Variants in LMF1 observed in about 807,000 individuals in gnomAD.
LMF1 encodes transmembrane protein 112.
A neutral mutation model predicts 60.6 loss-of-function variants in LMF1; 68 were observed. The observed-to-expected ratio is 1.12, with a 90% CI of 0.92 to 1.37. The LOEUF (loss-of-function observed/expected upper bound fraction) is 1.37. Among genes scored for constraint, LMF1 ranks in the 40% most tolerant of loss-of-function variants. The probability of loss-of-function intolerance (pLI) is 0.00; values close to 1 mark genes in which losing one functional copy is unlikely to be tolerated. For synonymous variants in LMF1, 418 were observed against 324.7 expected (o/e 1.29, Z -3.09); for missense variants, 948 against 767.2 (o/e 1.24, Z -2.78).
chr16:981,347 A>AGTGT (rs752216162), upstream of LMF1: 557 of 96,282 alleles, frequency 5.8e-3, 17 homozygotes, highest in Admixed American at 0.01. Context: ...AGAGAGAGAG[A>AGTGT]GTGTGTGTGT....
chr16:907,075 T>C (rs2070989966), intron 4 of LMF1, among the ~76,000 whole-genome samples: 1 of 152,230 alleles, frequency 6.6e-6, no homozygotes, highest in South Asian at 2.1e-4. Context: ...TACTTAACAT[T>C]TTCATTTTGA....
intron 1 of LMF1, among the ~76,000 whole-genome samples, chr16:958,975 G>A (rs923530972): frequency 2.0e-5 from 3 of 152,076 alleles, no homozygotes; most frequent in African/African-American, 7.3e-5. Flanking sequence ...GAGTGCCCTC[G>A]CTGTGCCGGG....
At chr16:939,210 C>T (rs1340496489) in intron 2 of LMF1, among the ~76,000 whole-genome samples, 1 of 151,870 alleles carries the variant, frequency 6.6e-6, no homozygotes, top group African/African-American at 2.4e-5. Context: ...AGTGGTTTTT[C>T]GGAAATGGGA....
At chr16:975,680 C>G (rs944116576), upstream of LMF1, 1 of 395,710 alleles carries the variant, frequency 2.5e-6, no homozygotes, top group Non-Finnish European at 5.0e-6. Context: ...TCCCACTTTG[C>G]CCCTCGTACC....
At chr16:870,095 C>A in intron 8 of LMF1, 29 bp from the exon 9 acceptor site, 1 of 1,594,202 alleles carries the variant, frequency 6.3e-7, no homozygotes. Context: ...AGGCCAGGCC[C>A]ACGTCACACA....
rs372490098 is a variant in LMF1 at position 869,030 on chromosome 16, G to A, written c.1443C>T (p.Ile481=). 26 of 1,612,540 alleles carry A rather than the reference G, an allele frequency of 1.6e-5. No individual in the cohort carries two copies. The highest frequency in any genetic ancestry group is 2.2e-5 in the Non-Finnish European group (26 of 1,179,560). ...FQTYEHNDWI[I]HLAGKLLASD... is the part of the protein sequence containing the mutation. ...TGGCCAGGAGCTTGCCAGCCAGGTG[G>A]ATGATCCAGTCGTTGTGCTCGTAGG... Residue 481 remains isoleucine, a synonymous_variant, in exon 10 of 11, where the codon ATC becomes ATT. Coordinates refer to ENST00000262301, the MANE Select transcript of LMF1 (RefSeq NM_022773.4).
At chr16:869,311 C>T (rs936806641) in intron 9 of LMF1, 5 of 673,406 alleles carry the variant, frequency 7.4e-6, no homozygotes, top group Middle Eastern at 2.7e-4. Flanking sequence ...TCCACCCCAG[C>T]ACCCTCTGTC....
In LMF1 at chr16:854,277, G is replaced by A. The variant is rs2069126327; in HGVS notation, c.*255C>T. 1 of 670,130 alleles carries A rather than the reference G, an allele frequency of 1.5e-6. No individual in the cohort carries two copies. Among genetic ancestry groups the A allele is most frequent in the Non-Finnish European group, 2.7e-6 (1 of 365,612 alleles). The allele number at this position is 670,130 out of a possible 1,614,324, so 41.5% of individuals were successfully genotyped here. ...TGGGCCTCTGGGAGGAGGGTGGGAT[G>A]GATGGGAGATCAGAGCCCCTGGCGC... On this transcript the variant is annotated 3_prime_UTR_variant, in exon 11 of 11. Transcript: ENST00000262301.
chr16:948,310 CCAACGACAGAGTCAGAGA>C (rs1395307067), intron 2 of LMF1, among the ~76,000 whole-genome samples: 4 of 128,700 alleles, frequency 3.1e-5, no homozygotes, highest in Non-Finnish European at 4.8e-5. Context: ...ACAGAGTCAG[CCAACGACAGAGTCAGAGA>C]CAACGACAGA....
chr16:930,694 C>T (rs534255371), intron 3 of LMF1, among the ~76,000 whole-genome samples: 6 of 152,346 alleles, frequency 3.9e-5, no homozygotes, highest in East Asian at 1.9e-4. Context: ...AGGCGGGTCC[C>T]GCTCACACCC....
chr16:882,081 T>C (rs1567176732), intron 5 of LMF1, among the ~76,000 whole-genome samples: 1 of 152,146 alleles, frequency 6.6e-6, no homozygotes, highest in African/African-American at 2.4e-5. Flanking sequence ...GAACCTCACC[T>C]GGGAAAGGGC....
At chr16:865,373 T>C (rs574553503) in intron 10 of LMF1, among the ~76,000 whole-genome samples, 1 of 152,320 alleles carries the variant, frequency 6.6e-6, no homozygotes, top group South Asian at 2.1e-4. Context: ...TCTTTTGAGA[T>C]TGAGTCTCGC....
In LMF1 at chr16:869,884, T is replaced by TG; in HGVS notation, c.1414dup (p.Gln472ProfsTer103). ...CGCCCGCCAGGGACCGTCCCCCACC[T>TG]GGAAGGCCGCGAACCACATCAGCCA... is the stretch of plus-strand genomic sequence containing the variant. On this transcript the variant is annotated frameshift_variant and splice_region_variant, in exon 9 of 11. Transcript: ENST00000262301. LOFTEE classifies it high-confidence loss of function. 1 of 1,611,206 alleles carries TG rather than the reference T, an allele frequency of 6.2e-7. No individual in the cohort carries two copies. The highest frequency in any genetic ancestry group is 8.5e-7 in the Non-Finnish European group (1 of 1,179,366).
intron 2 of LMF1, chr16:952,603 G>C (rs894692395): frequency 1.2e-4 from 19 of 153,502 alleles, no homozygotes; most frequent in African/African-American, 4.3e-4. Flanking sequence ...CCTGGGACAG[G>C]GTCCTGGTTC....
At chr16:936,517 G>T (rs904262047) in intron 2 of LMF1, among the ~76,000 whole-genome samples, 4 of 140,816 alleles carry the variant, frequency 2.8e-5, no homozygotes, top group Non-Finnish European at 1.5e-5. Context: ...GTGGGCTCAG[G>T]AAGGAGGCTG....
chr16:898,658 G>A (rs973761664), intron 4 of LMF1, among the ~76,000 whole-genome samples: 2 of 152,200 alleles, frequency 1.3e-5, no homozygotes, highest in Non-Finnish European at 1.5e-5. Flanking sequence ...GCTTAGTCGG[G>A]CGAGGGGAAT....
In LMF1 at chr16:869,667, C is replaced by T. The variant is rs61282928; in HGVS notation, c.1416+216G>A. The T allele has an allele frequency of 0.013, 8,271 of 656,068 alleles. 281 individuals carry two copies. Among genetic ancestry groups the T allele is most frequent in the African/African-American group, 0.086 (4,838 of 56,126 alleles). 40.6% of individuals were successfully genotyped at this position (656,068 alleles called of 1,614,324 possible). ...GGCATGAGACACTACCTGGCAGACC[C>T]GGGGGGACGGTGGGGCTGGGCTCCC... On this transcript the variant is annotated intron_variant, in intron 9 of 10. Coordinates refer to ENST00000262301, the MANE Select transcript of LMF1 (RefSeq NM_022773.4).
intron 2 of LMF1, among the ~76,000 whole-genome samples, chr16:941,483 A>C (rs944978118): frequency 1.5e-4 from 23 of 152,236 alleles, no homozygotes; most frequent in Non-Finnish European, 2.9e-4. Flanking sequence ...TTGGCCTCCC[A>C]AAGTGCTGGC....
Position 893,209 on chromosome 16 carries a change from C to A in LMF1, c.664-137G>T, listed in dbSNP as rs140554255. On this transcript the variant is annotated intron_variant, in intron 4 of 10. Coordinates refer to ENST00000262301, the MANE Select transcript of LMF1 (RefSeq NM_022773.4). ...GCTGCAGGCGCTGTGAGGGAGGGGA[C>A]CTTACGTATGAAACACTCAGGAAGG... 2.7e-3 allele frequency: 2,027 copies of A among 751,770 alleles called. 9 individuals carry two copies. The highest frequency in any genetic ancestry group is 4.5e-3 in the Middle Eastern group (20 of 4,408). 46.6% of individuals were successfully genotyped at this position (751,770 alleles called of 1,614,324 possible). A position where few individuals can be genotyped will look rare whatever the true frequency, so the allele number is the denominator to read the frequency against.
Sources: gnomAD v4.1 joint callset for allele counts (sites outside exome capture counted in the v4.1 genomes callset) on GRCh38, gnomAD v4.1.1 for gene constraint, MANE v1.5 for transcripts, NCBI Gene and HGNC (gene_info 2026-07-23, HGNC 2026-07-21) for gene names.